Variants in ANKRD45 observed in about 807,000 individuals in gnomAD.
ANKRD45 encodes ankyrin repeat domain 45.
In ANKRD45, 21 loss-of-function variants were observed where a neutral mutation model predicts 28.1. The observed-to-expected ratio is 0.75, with a 90% CI of 0.53 to 1.08. The LOEUF is 1.08. Among genes scored for constraint, ANKRD45 ranks in the 50% least tolerant of loss-of-function variants. The probability of loss-of-function intolerance (pLI) is 0.00; values close to 1 mark genes in which losing one functional copy is unlikely to be tolerated. For synonymous variants in ANKRD45, 86 were observed against 103.9 expected (o/e 0.83, Z 1.05); for missense variants, 261 against 308.7 (o/e 0.85, Z 1.16).
chr1:173,641,266 T>C (rs779038345), intron 3 of ANKRD45, among the ~76,000 whole-genome samples: 1 of 152,228 alleles, frequency 6.6e-6, no homozygotes, highest in Non-Finnish European at 1.5e-5. Flanking sequence ...GTGCACACGG[T>C]AGGCCAGAGG....
At chr1:173,678,675 A>G in the ANKRD45 span, among the ~76,000 whole-genome samples, 1 of 151,914 alleles carries the variant, frequency 6.6e-6, no homozygotes, top group African/African-American at 2.4e-5. Context: ...GGCACACACC[A>G]TTTCAACATA....
intron 5 of ANKRD45, among the ~76,000 whole-genome samples, chr1:173,616,350 A>G (rs1360923681): frequency 6.6e-6 from 1 of 152,126 alleles, no homozygotes; most frequent in African/African-American, 2.4e-5. Flanking sequence ...TAAAAAAAAA[A>G]TGTTCAGAGA....
At chr1:173,699,605 T>C in the ANKRD45 span, among the ~76,000 whole-genome samples, 1 of 151,580 alleles carries the variant, frequency 6.6e-6, no homozygotes. Context: ...AGAAAAGGCC[T>C]GACAAAATTC....
chr1:173,665,845 C>CA (rs1669993180), intron 1 of ANKRD45, among the ~76,000 whole-genome samples: 1 of 151,636 alleles, frequency 6.6e-6, no homozygotes, highest in South Asian at 2.1e-4. Context: ...CCCATCTCTA[C>CA]AAAAAATACA....
chr1:173,668,763 A>T (rs1304039653), intron 1 of ANKRD45, among the ~76,000 whole-genome samples: 1 of 152,256 alleles, frequency 6.6e-6, no homozygotes, highest in African/African-American at 2.4e-5. Context: ...ACAAAAATAA[A>T]TTACATTTTC....
intron 5 of ANKRD45, chr1:173,612,524 A>C (rs1667210569): frequency 6.6e-6 from 1 of 152,248 alleles, no homozygotes; most frequent in African/African-American, 2.4e-5. Flanking sequence ...ACATTAAGAT[A>C]CCACTTCATA....
the ANKRD45 span, among the ~76,000 whole-genome samples, chr1:173,698,669 A>G: frequency 6.6e-6 from 1 of 152,242 alleles, no homozygotes; most frequent in Non-Finnish European, 1.5e-5. Context: ...CATTTAAAGC[A>G]GTGTGTAAAG....
At chr1:173,659,789 A>G (rs1669699655) in intron 1 of ANKRD45, among the ~76,000 whole-genome samples, 1 of 152,210 alleles carries the variant, frequency 6.6e-6, no homozygotes. Context: ...CTTGTATGAG[A>G]GAAGTGAGAA....
chr1:173,673,404 C>T (rs1188112109), upstream of ANKRD45, among the ~76,000 whole-genome samples: 8 of 152,200 alleles, frequency 5.3e-5, no homozygotes, highest in South Asian at 1.7e-3. Flanking sequence ...TGAACCACCA[C>T]ACCCTGCCAT....
At chr1:173,640,528 AT>A (rs1668653893) in intron 3 of ANKRD45, among the ~76,000 whole-genome samples, 1 of 152,158 alleles carries the variant, frequency 6.6e-6, no homozygotes, top group African/African-American at 2.4e-5. Context: ...AGAAAGCTTA[AT>A]TTTTATATAC....
chr1:173,689,530 T>C, the ANKRD45 span, among the ~76,000 whole-genome samples: 11 of 152,288 alleles, frequency 7.2e-5, no homozygotes, highest in African/African-American at 2.6e-4. Context: ...TTTTTTGAAA[T>C]ATCTGGCCAA....
intron 3 of ANKRD45, among the ~76,000 whole-genome samples, chr1:173,628,051 G>C (rs1041094153): frequency 6.6e-6 from 1 of 151,674 alleles, no homozygotes; most frequent in Non-Finnish European, 1.5e-5. Flanking sequence ...TGCCTTGAAG[G>C]GAAGGACCCA....
chr1:173,635,398 T>C (rs1300317382), intron 3 of ANKRD45: 9 of 764,402 alleles, frequency 1.2e-5, no homozygotes, highest in African/African-American at 5.3e-5. Context: ...TTTTAACTAA[T>C]AGCTCCTGGT....
At chr1:173,613,475 C>T (rs1366062784) in intron 5 of ANKRD45, among the ~76,000 whole-genome samples, 1 of 150,236 alleles carries the variant, frequency 6.7e-6, no homozygotes, top group African/African-American at 2.4e-5. Flanking sequence ...GCAGCCCCCG[C>T]CCGGCCAGCC....
At chr1:173,633,448 G>A (rs1668281933) in intron 3 of ANKRD45, among the ~76,000 whole-genome samples, 1 of 151,668 alleles carries the variant, frequency 6.6e-6, no homozygotes, top group Non-Finnish European at 1.5e-5. Flanking sequence ...CAATGCATTG[G>A]TATCAAAATA....
upstream of ANKRD45, among the ~76,000 whole-genome samples, chr1:173,674,453 G>A (rs955042321): frequency 2.6e-5 from 4 of 152,126 alleles, no homozygotes; most frequent in East Asian, 1.9e-4. Flanking sequence ...GAGGATGCAC[G>A]CCCATGACAC....
the ANKRD45 span, among the ~76,000 whole-genome samples, chr1:173,707,805 G>A: frequency 2.6e-5 from 4 of 152,246 alleles, no homozygotes; most frequent in Non-Finnish European, 5.9e-5. Context: ...TCTTCCCATA[G>A]GGTCTTCAGA....
intron 5 of ANKRD45, among the ~76,000 whole-genome samples, chr1:173,611,916 T>C (rs1667175237): frequency 1.3e-5 from 2 of 151,960 alleles, no homozygotes; most frequent in African/African-American, 4.8e-5. Context: ...CATAAAGAGC[T>C]CATATAACTA....
intron 2 of ANKRD45, among the ~76,000 whole-genome samples, chr1:173,653,254 TAC>T (rs987273075): frequency 6.6e-6 from 1 of 152,250 alleles, no homozygotes; most frequent in Admixed American, 6.5e-5. Context: ...AATTTTCCTC[TAC>T]ACACTGCTTT....
Sources: gnomAD v4.1 joint callset for allele counts (sites outside exome capture counted in the v4.1 genomes callset) on GRCh38, gnomAD v4.1.1 for gene constraint, MANE v1.5 for transcripts, NCBI Gene and HGNC (gene_info 2026-07-23, HGNC 2026-07-21) for gene names.